CNTNAP5: variants seen among roughly 807,000 people sequenced by gnomAD.
The protein encoded by CNTNAP5 is contactin-associated protein-like 5.
Under a neutral mutation model 150.2 loss-of-function variants are expected in CNTNAP5, and 72 were observed. The ratio of observed to expected loss-of-function variants is 0.48; its 90% CI spans 0.40 to 0.58. The LOEUF is 0.58. CNTNAP5 is among the 20% of genes least tolerant of loss of function. The pLI is 0.00. For missense variants in CNTNAP5, 1,636 were observed against 1,626.2 expected (o/e 1.01, Z -0.10); for synonymous variants, 672 against 619.8 (o/e 1.08, Z -1.25).
At chr2:124,819,424 A>T (rs1039864481) in intron 19 of CNTNAP5, among the ~76,000 whole-genome samples, 1 of 152,004 alleles carries the variant, frequency 6.6e-6, no homozygotes, top group Admixed American at 6.6e-5. Flanking sequence ...GGTCGGTTTG[A>T]CCCCATGACC....
chr2:124,790,031 G>A lies in CNTNAP5; in HGVS notation c.2882G>A (p.Cys961Tyr). 6.2e-7 allele frequency: 1 copy of A among 1,613,978 alleles called. No homozygotes were observed. The highest frequency in any genetic ancestry group is 8.5e-7 in the Non-Finnish European group (1 of 1,179,854). ...GTCAGGCCAGGCTGCCCCGGCCACT[G>A]CAGCAGCTACGGCAGCATCTGCCAC... ...SGVRPGCPGH[C>Y]SSYGSICHNG... Residue 961 changes from cysteine (C) to tyrosine (Y), a missense_variant, in exon 18 of 24, where the codon TGC becomes TAC. By Grantham distance (194) the Cys-to-Tyr change is radical. Coordinates refer to ENST00000682447, the MANE Select transcript of CNTNAP5 (RefSeq NM_001367498.1).
intron 7 of CNTNAP5, among the ~76,000 whole-genome samples, chr2:124,482,620 G>A (rs77580589): frequency 0.022 from 3,307 of 152,184 alleles, 73 homozygotes; most frequent in South Asian, 0.054. Flanking sequence ...GTTATTTGCC[G>A]AAGAAATCTC....
At chr2:124,664,575 G>T (rs1678659262) in intron 13 of CNTNAP5, among the ~76,000 whole-genome samples, 1 of 152,160 alleles carries the variant, frequency 6.6e-6, no homozygotes, top group African/African-American at 2.4e-5. Context: ...TGCAAAGAGG[G>T]CTCTGGAGTA....
At chr2:124,590,385 CCAG>C (rs1447877841) in intron 11 of CNTNAP5, among the ~76,000 whole-genome samples, 1 of 152,112 alleles carries the variant, frequency 6.6e-6, no homozygotes, top group Non-Finnish European at 1.5e-5. Context: ...TCAGCCTGTA[CCAG>C]CTATGTGCAG....
chr2:124,523,741 C>T (rs1694901903), intron 8 of CNTNAP5, among the ~76,000 whole-genome samples: 1 of 152,160 alleles, frequency 6.6e-6, no homozygotes, highest in African/African-American at 2.4e-5. Flanking sequence ...GACAATGTCT[C>T]CTAATTAGTA....
intron 22 of CNTNAP5, among the ~76,000 whole-genome samples, chr2:124,910,328 G>A (rs539057678): frequency 6.6e-5 from 10 of 152,132 alleles, no homozygotes; most frequent in Admixed American, 2.6e-4. Context: ...TTAATAGTAA[G>A]CAAAATTATA....
In CNTNAP5 at chr2:124,242,203, C is replaced by T. The variant is rs1215232404; in HGVS notation, c.191C>T (p.Thr64Ile). The T allele has an allele frequency of 5.7e-6, 9 of 1,583,898 alleles. No individual in the cohort carries two copies. The East Asian group carries it at 2.1e-4, about 37-fold the overall frequency. ...ACTCTCTCTGATCCTGTTCCAGGAA[C>T]TGGCGGTTGGTCCCCAGCAGATTCC... is the stretch of plus-strand genomic sequence containing the variant. Reference protein sequence around the residue: ...SPAQLNWRVGTGGWSPADSNA... With the variant: ...SPAQLNWRVGIGGWSPADSNA... The change falls in exon 3 of 24, where the codon ACT becomes ATT. Residue 64 changes from threonine (T) to isoleucine (I), a missense_variant. Coordinates refer to ENST00000682447, the MANE Select transcript of CNTNAP5 (RefSeq NM_001367498.1).
intron 1 of CNTNAP5, among the ~76,000 whole-genome samples, chr2:124,042,787 T>G (rs1044817730): frequency 1.1e-5 from 1 of 86,976 alleles, no homozygotes; most frequent in Non-Finnish European, 2.3e-5. Flanking sequence ...CTCTATCATC[T>G]ATCTATCTAT....
At chr2:124,755,847 A>G (rs1680829071) in intron 14 of CNTNAP5, among the ~76,000 whole-genome samples, 1 of 152,220 alleles carries the variant, frequency 6.6e-6, no homozygotes, top group Non-Finnish European at 1.5e-5. Flanking sequence ...TTTTCTGGAT[A>G]TAAAATGTAA....
intron 13 of CNTNAP5, among the ~76,000 whole-genome samples, chr2:124,685,120 G>C (rs1054554047): frequency 3.9e-5 from 6 of 152,088 alleles, no homozygotes; most frequent in African/African-American, 1.4e-4. Context: ...GTTAATAAAG[G>C]TTGTTGATCT....
intron 3 of CNTNAP5, among the ~76,000 whole-genome samples, chr2:124,390,091 C>T (rs1187721841): frequency 6.6e-6 from 1 of 152,014 alleles, no homozygotes; most frequent in Admixed American, 6.6e-5. Flanking sequence ...ATGAGTGTCC[C>T]CAAAGCACGA....
At chr2:124,679,932 A>C (rs911204357) in intron 13 of CNTNAP5, among the ~76,000 whole-genome samples, 17 of 151,782 alleles carry the variant, frequency 1.1e-4, no homozygotes, top group Admixed American at 6.7e-5. Flanking sequence ...CTTTGGGTAC[A>C]TGGCTGTTTG....
At chr2:124,536,121 T>C (rs1001738188) in intron 10 of CNTNAP5, among the ~76,000 whole-genome samples, 1 of 152,198 alleles carries the variant, frequency 6.6e-6, no homozygotes, top group Non-Finnish European at 1.5e-5. Flanking sequence ...AAGTGAGAAA[T>C]GTTACAATAT....
chr2:124,377,541 G>A (rs1690679840), intron 3 of CNTNAP5, among the ~76,000 whole-genome samples: 2 of 151,924 alleles, frequency 1.3e-5, no homozygotes, highest in Admixed American at 1.3e-4. Flanking sequence ...CAGTCGTGGT[G>A]GCATGCGCCT....
At chr2:124,796,996 A>G (rs1439961361) in intron 18 of CNTNAP5, among the ~76,000 whole-genome samples, 1 of 152,218 alleles carries the variant, frequency 6.6e-6, no homozygotes, top group Non-Finnish European at 1.5e-5. Flanking sequence ...AATATATTGT[A>G]TAAAGTCTAT....
chr2:124,606,123 T>G (rs2104979645), intron 11 of CNTNAP5, among the ~76,000 whole-genome samples: 2 of 152,186 alleles, frequency 1.3e-5, no homozygotes, highest in Middle Eastern at 6.8e-3. Context: ...AATTTTAAAT[T>G]TCAAGAAAAA....
chr2:124,743,258 A>G (rs1680536531), intron 13 of CNTNAP5, among the ~76,000 whole-genome samples: 1 of 152,190 alleles, frequency 6.6e-6, no homozygotes. Context: ...CAGAGATTTA[A>G]AATATTGATC....
chr2:124,636,385 G>T (rs1677968840), intron 12 of CNTNAP5, among the ~76,000 whole-genome samples: 1 of 152,096 alleles, frequency 6.6e-6, no homozygotes, highest in African/African-American at 2.4e-5. Context: ...TCTGTCCCCA[G>T]AAATATAGAC....
chr2:124,246,417 T>C (rs1321464979), intron 3 of CNTNAP5, among the ~76,000 whole-genome samples: 1 of 152,136 alleles, frequency 6.6e-6, no homozygotes, highest in African/African-American at 2.4e-5. Context: ...TAATCAGGCA[T>C]GAAGGTGTGT....
Sources: allele counts gnomAD v4.1 joint callset (sites outside exome capture counted in the v4.1 genomes callset), GRCh38; gene constraint gnomAD v4.1.1; transcripts MANE v1.5; gene names NCBI Gene and HGNC (gene_info 2026-07-23, HGNC 2026-07-21).